The following SLC22A15 variants were observed in gnomAD, a reference collection of about 807,000 sequenced individuals.
SLC22A15 encodes flipt 1.
SLC22A15 carries 45 observed loss-of-function variants against 62.7 expected under a neutral mutation model. The ratio of observed to expected loss-of-function variants is 0.72; its 90% confidence interval spans 0.56 to 0.92. SLC22A15 has a LOEUF of 0.92. Among genes scored for constraint, SLC22A15 ranks in the 40% least tolerant of loss-of-function variants. The pLI is 0.00. For missense variants in SLC22A15, 622 were observed against 665.6 expected, an observed-to-expected ratio of 0.93 and a Z score of 0.72; for synonymous variants, 264 against 267.0, an observed-to-expected ratio of 0.99 and a Z score of 0.11.
intron 4 of SLC22A15, among the ~76,000 whole-genome samples, chr1:116,022,008 C>T (rs987703432): frequency 3.3e-5 from 5 of 152,138 alleles, no homozygotes; most frequent in Admixed American, 1.3e-4. Context: ...GCTATTGTAT[C>T]GAGCTGGAAG....
intron 9 of SLC22A15, among the ~76,000 whole-genome samples, chr1:116,063,672 G>A (rs766600758): frequency 6.6e-6 from 1 of 152,188 alleles, no homozygotes; most frequent in East Asian, 1.9e-4. Context: ...TTTCCTAGCT[G>A]GTCCTATAAC....
intron 1 of SLC22A15, among the ~76,000 whole-genome samples, chr1:115,986,755 T>C (rs181427962): frequency 6.6e-6 from 1 of 152,346 alleles, no homozygotes; most frequent in Non-Finnish European, 1.5e-5. Context: ...TATATGCTAT[T>C]TGTACAGTGC....
At chr1:116,023,304 C>T (rs1656929593) in intron 4 of SLC22A15, among the ~76,000 whole-genome samples, 1 of 151,954 alleles carries the variant, frequency 6.6e-6, no homozygotes, top group Admixed American at 6.6e-5. Context: ...AAGTGAAAAA[C>T]AAAAAATACT....
chr1:116,039,220 G>A (rs1334123382), intron 8 of SLC22A15, among the ~76,000 whole-genome samples: 1 of 152,148 alleles, frequency 6.6e-6, no homozygotes, highest in Non-Finnish European at 1.5e-5. Context: ...CTTAGAAAAC[G>A]TGGATGTATT....
chr1:116,004,670 A>G (rs1304590556), intron 2 of SLC22A15, among the ~76,000 whole-genome samples: 1 of 152,134 alleles, frequency 6.6e-6, no homozygotes, highest in Non-Finnish European at 1.5e-5. Flanking sequence ...TGGTTTTGGT[A>G]TCGAAGTAGT....
At chr1:116,012,269 G>A (rs1656310164) in intron 2 of SLC22A15, among the ~76,000 whole-genome samples, 1 of 152,162 alleles carries the variant, frequency 6.6e-6, no homozygotes, top group Non-Finnish European at 1.5e-5. Flanking sequence ...GTTGCTCAGA[G>A]TAGAGGCTGG....
chr1:115,984,746 T>A (rs1654772755), intron 1 of SLC22A15, among the ~76,000 whole-genome samples: 1 of 152,166 alleles, frequency 6.6e-6, no homozygotes, highest in South Asian at 2.1e-4. Flanking sequence ...GACCTTCCAT[T>A]GGGACAAGAT....
intron 1 of SLC22A15, among the ~76,000 whole-genome samples, chr1:115,977,847 G>C (rs1298383345): frequency 1.3e-5 from 2 of 152,192 alleles, no homozygotes; most frequent in Non-Finnish European, 2.9e-5. Context: ...ATGGGGGAAG[G>C]TAGGGGTTGA....
chr1:116,038,237 T>C (rs1657684241), intron 8 of SLC22A15, among the ~76,000 whole-genome samples: 1 of 152,188 alleles, frequency 6.6e-6, no homozygotes, highest in African/African-American at 2.4e-5. Context: ...TGCACTCCAG[T>C]AGGCAATCAT....
chr1:116,029,946 AAGTGG>A (rs1657311879), intron 5 of SLC22A15, among the ~76,000 whole-genome samples: 1 of 152,150 alleles, frequency 6.6e-6, no homozygotes, highest in Non-Finnish European at 1.5e-5. Context: ...AGACATAATC[AAGTGG>A]TTTTACGTAA....
chr1:116,012,479 A>T (rs1656320073), intron 2 of SLC22A15, among the ~76,000 whole-genome samples: 1 of 152,250 alleles, frequency 6.6e-6, no homozygotes, highest in Non-Finnish European at 1.5e-5. Context: ...AAGGATAATA[A>T]TAACAGCACA....
chr1:116,035,070 C>T, intron 6 of SLC22A15, 117 bp from the exon 7 acceptor site: 1 of 1,094,992 alleles, frequency 9.1e-7, no homozygotes. Flanking sequence ...TTATTGCTTA[C>T]AGCAGATCAA....
intron 8 of SLC22A15, among the ~76,000 whole-genome samples, chr1:116,061,763 G>A (rs1448093590): frequency 1.3e-5 from 2 of 151,754 alleles, no homozygotes. Flanking sequence ...ATAATTGTTA[G>A]CATTTTTGGT....
At chr1:116,024,502 A>G (rs1349290412) in intron 4 of SLC22A15, among the ~76,000 whole-genome samples, 1 of 152,224 alleles carries the variant, frequency 6.6e-6, no homozygotes, top group Non-Finnish European at 1.5e-5. Flanking sequence ...AAAGCCACCT[A>G]TGATACTCCA....
chr1:116,022,307 T>G (rs1656874099), intron 4 of SLC22A15, among the ~76,000 whole-genome samples: 1 of 152,196 alleles, frequency 6.6e-6, no homozygotes. Flanking sequence ...GTCATTTTTC[T>G]GAATAGTATG....
At chr1:115,983,428 G>A (rs1340479239) in intron 1 of SLC22A15, among the ~76,000 whole-genome samples, 1 of 151,676 alleles carries the variant, frequency 6.6e-6, no homozygotes, top group Admixed American at 6.6e-5. Flanking sequence ...ATGGAGATGT[G>A]TGTGTGTGTG....
chr1:116,028,734 A>C (rs1177216793), intron 5 of SLC22A15, among the ~76,000 whole-genome samples: 2 of 151,986 alleles, frequency 1.3e-5, no homozygotes, highest in African/African-American at 4.8e-5. Context: ...TATCTTTCCT[A>C]ATTTCCCATC....
chr1:116,048,732 G>A (rs1657987325), intron 8 of SLC22A15, among the ~76,000 whole-genome samples: 2 of 152,104 alleles, frequency 1.3e-5, no homozygotes, highest in Non-Finnish European at 2.9e-5. Context: ...CACAATGAAT[G>A]CAAGGGTACC....
At chr1:116,047,037 C>T (rs993071349) in intron 8 of SLC22A15, among the ~76,000 whole-genome samples, 3 of 152,160 alleles carry the variant, frequency 2.0e-5, no homozygotes, top group Non-Finnish European at 4.4e-5. Flanking sequence ...TAGGGCCCCA[C>T]CCACTGCTGG....
Sources: allele counts gnomAD v4.1 joint callset (sites outside exome capture counted in the v4.1 genomes callset), GRCh38; gene constraint gnomAD v4.1.1; transcripts MANE v1.5; gene names NCBI Gene and HGNC (gene_info 2026-07-23, HGNC 2026-07-21).